Variants in PRKAG2 observed in about 807,000 individuals in gnomAD.
PRKAG2 encodes protein kinase AMP-activated non-catalytic subunit gamma 2, also known as 5'-AMP-activated protein kinase subunit gamma-2.
In PRKAG2, 26 loss-of-function variants were observed where a neutral mutation model predicts 69.6. The ratio of observed to expected loss-of-function variants is 0.37; its 90% CI spans 0.27 to 0.52. The LOEUF is 0.52. PRKAG2 is among the 20% of genes least tolerant of loss of function. PRKAG2 has a pLI of 0.90. For synonymous variants in PRKAG2, 293 were observed against 285.0 expected (o/e 1.03, Z -0.28); for missense variants, 557 against 740.0 (o/e 0.75, Z 2.87).
chr7:151,743,114 A>C (rs1003009383), intron 3 of PRKAG2, among the ~76,000 whole-genome samples: 1 of 152,224 alleles, frequency 6.6e-6, no homozygotes, highest in Admixed American at 6.5e-5. Flanking sequence ...GACCCTGCTC[A>C]GAGTTCCTTC....
intron 4 of PRKAG2, among the ~76,000 whole-genome samples, chr7:151,644,968 T>G (rs1827320720): frequency 6.6e-6 from 1 of 152,200 alleles, no homozygotes; most frequent in Admixed American, 6.5e-5. Flanking sequence ...TTAATGTGTT[T>G]TCTTTTGTGA....
intron 6 of PRKAG2, among the ~76,000 whole-genome samples, chr7:151,578,201 T>C (rs557111848): frequency 1.1e-4 from 16 of 151,534 alleles, no homozygotes; most frequent in Admixed American, 7.9e-4. Context: ...AAAAATTAGC[T>C]GGGCATGGTG....
chr7:151,671,171 C>CAAA (rs11296795), intron 4 of PRKAG2, among the ~76,000 whole-genome samples: 31 of 55,426 alleles, frequency 5.6e-4, no homozygotes, highest in African/African-American at 1.6e-3. Context: ...TAGACTGTCT[C>CAAA]AAAAAAAAAA....
chr7:151,617,581 T>A (rs1391598569), intron 5 of PRKAG2, among the ~76,000 whole-genome samples: 1 of 152,232 alleles, frequency 6.6e-6, no homozygotes, highest in East Asian at 1.9e-4. Flanking sequence ...TACATAATAT[T>A]AGAATACTTT....
At chr7:151,701,590 T>C (rs554890427) in intron 3 of PRKAG2, among the ~76,000 whole-genome samples, 94 of 152,126 alleles carry the variant, frequency 6.2e-4, no homozygotes, top group Non-Finnish European at 1.1e-3. Context: ...ACACCTGTAA[T>C]CCCAGCACTT....
rs114454869 is a variant in PRKAG2, at chr7:151,598,009, C to A, written c.755-2555G>T. 4.4e-3 allele frequency among the ~76,000 whole-genome samples: 671 copies of A among 152,234 alleles called. 3 individuals are homozygous for A. Among genetic ancestry groups the A allele is most frequent in the African/African-American group, 0.016 (646 of 41,538 alleles). On this transcript the variant is annotated intron_variant, in intron 5 of 15. Coordinates refer to ENST00000287878, the MANE Select transcript of PRKAG2 (RefSeq NM_016203.4). ...GAGTGTTCATGACACATGTGCACTG[C>A]CATGTTGAGTGCAGCACTATTCACA...
chr7:151,804,724 T>C (rs1284330879), intron 1 of PRKAG2, among the ~76,000 whole-genome samples: 1 of 152,214 alleles, frequency 6.6e-6, no homozygotes, highest in African/African-American at 2.4e-5. Flanking sequence ...ATTTGTTTTC[T>C]TTATTCCGTG....
rs1272953110 is a variant in PRKAG2, at chr7:151,876,731, G to A, written c.-111C>T. The A allele has an allele frequency of 9.5e-7, 1 of 1,057,442 alleles. No homozygotes were observed. Among genetic ancestry groups the A allele is most frequent in the Non-Finnish European group, 1.4e-6 (1 of 707,138 alleles). The allele number at this position is 1,057,442 out of a possible 1,614,324, so 65.5% of individuals were successfully genotyped here. The stretch of plus-strand genomic sequence containing the variant: ...GCCGCGCGCTCTGTTACACCCTGAA[G>A]CCACCTCGTGGGGACTTCCGCGGAG... On this transcript the variant is annotated 5_prime_UTR_variant, in exon 1 of 16. Transcript: ENST00000287878.
chr7:151,660,374 A>T (rs1442256792), intron 4 of PRKAG2, among the ~76,000 whole-genome samples: 1 of 152,182 alleles, frequency 6.6e-6, no homozygotes, highest in Non-Finnish European at 1.5e-5. Context: ...AAAGTACTGT[A>T]TACTTAGTTT....
At chr7:151,749,544 G>C (rs1344578115) in intron 3 of PRKAG2, among the ~76,000 whole-genome samples, 1 of 152,136 alleles carries the variant, frequency 6.6e-6, no homozygotes, top group African/African-American at 2.4e-5. Flanking sequence ...CAGGAAAGGA[G>C]AAAATATTTG....
At chr7:151,834,520 G>A (rs375720647) in intron 1 of PRKAG2, among the ~76,000 whole-genome samples, 8 of 152,202 alleles carry the variant, frequency 5.3e-5, no homozygotes, top group South Asian at 2.1e-4. Context: ...ATAAAGGCAC[G>A]GGTGTCCCTG....
intron 4 of PRKAG2, among the ~76,000 whole-genome samples, chr7:151,667,711 G>C (rs1000143652): frequency 1.3e-5 from 2 of 152,200 alleles, no homozygotes; most frequent in South Asian, 4.1e-4. Context: ...CCTGTCACAG[G>C]CATTTGAACG....
At chr7:151,862,930 A>C (rs2079969447) in intron 1 of PRKAG2, among the ~76,000 whole-genome samples, 1 of 149,984 alleles carries the variant, frequency 6.7e-6, no homozygotes, top group Non-Finnish European at 1.5e-5. Flanking sequence ...GGGCACTGGT[A>C]GGCCTCTGGG....
intron 3 of PRKAG2, among the ~76,000 whole-genome samples, chr7:151,730,768 A>T (rs1456268215): frequency 6.6e-6 from 1 of 152,182 alleles, no homozygotes; most frequent in Non-Finnish European, 1.5e-5. Flanking sequence ...GGCCATACTC[A>T]GCCAAGGGCA....
chr7:151,814,342 AG>A lies in PRKAG2; in HGVS notation c.115-27802del, dbSNP rs746161592. On this transcript the variant is annotated intron_variant, in intron 1 of 15. Transcript: ENST00000287878. This position sits in a 1 kb window ranked among gnomAD's most constrained non-coding sequence, Gnocchi z 4.8. ...CACACCAAGGAGACAAAGCATCGTG[AG>A]GGGGAAAACCGCACACCCAGGGACG... 2.2e-4 allele frequency: 228 copies of A among 1,051,362 alleles called. No individual in the cohort carries two copies. Among genetic ancestry groups the A allele is most frequent in the Admixed American group, 3.7e-4 (8 of 21,900 alleles). 65.1% of individuals were successfully genotyped at this position (1,051,362 alleles called of 1,614,324 possible). A position where few individuals can be genotyped will look rare whatever the true frequency, so the allele number is the denominator to read the frequency against.
chr7:151,838,207 A>G (rs1304643930), intron 1 of PRKAG2, among the ~76,000 whole-genome samples: 1 of 152,158 alleles, frequency 6.6e-6, no homozygotes, highest in Admixed American at 6.5e-5. Context: ...GAGGAAGAGG[A>G]GGCCAGCTCC....
chr7:151,713,226 T>G (rs547914480), intron 3 of PRKAG2, among the ~76,000 whole-genome samples: 1 of 151,776 alleles, frequency 6.6e-6, no homozygotes, highest in Non-Finnish European at 1.5e-5. Flanking sequence ...AAAATGGATA[T>G]GCAGTTTGCA....
chr7:151,598,324 G>C (rs1263505104), intron 5 of PRKAG2, among the ~76,000 whole-genome samples: 1 of 152,154 alleles, frequency 6.6e-6, no homozygotes, highest in African/African-American at 2.4e-5. Context: ...GGTATGAGGA[G>C]AGGTTGGTCA....
chr7:151,582,349 G>A lies in PRKAG2; in HGVS notation c.865-5897C>T, dbSNP rs138375567. On this transcript the variant is annotated intron_variant, in intron 6 of 15. Coordinates refer to ENST00000287878, the MANE Select transcript of PRKAG2 (RefSeq NM_016203.4). ...GTTATTTTTTGTAGAGACAGGGTCC[G>A]GTTATGTTGCCCATGCTGGTTTGAA... 2.8e-4 allele frequency among the ~76,000 whole-genome samples: 42 copies of A among 152,004 alleles called. No homozygotes were observed. The East Asian group carries it at 3.3e-3, about 12-fold the overall frequency.
Sources: allele counts gnomAD v4.1 joint callset (sites outside exome capture counted in the v4.1 genomes callset), GRCh38; gene constraint gnomAD v4.1.1; non-coding constraint Gnocchi (gnomAD v3.1); transcripts MANE v1.5; gene names NCBI Gene and HGNC (gene_info 2026-07-23, HGNC 2026-07-21).